DUSP29: variants seen among roughly 807,000 people sequenced by gnomAD.
The protein encoded by DUSP29 is dual specificity phosphatase 29, also known as atypical dual-specific protein phosphatase.
Under a neutral mutation model 13.5 loss-of-function variants are expected in DUSP29, and 12 were observed. The ratio of observed to expected loss-of-function variants is 0.89; its 90% confidence interval spans 0.57 to 1.44. DUSP29 has a LOEUF of 1.44. Among genes scored for constraint, DUSP29 ranks in the 40% most tolerant of loss-of-function variants. DUSP29 has a pLI of 0.00. For missense variants in DUSP29, 308 were observed against 301.1 expected (o/e 1.02, Z -0.17); for synonymous variants, 134 against 128.7 (o/e 1.04, Z -0.28).
chr10:75,055,977 T>C (rs998804098), intron 2 of DUSP29, among the ~76,000 whole-genome samples: 6 of 152,168 alleles, frequency 3.9e-5, no homozygotes, highest in Non-Finnish European at 7.3e-5. Context: ...TGGCACAATC[T>C]TGGCTCACTG....
At chr10:75,064,846 A>G (rs919621539) in intron 1 of DUSP29, among the ~76,000 whole-genome samples, 4 of 152,148 alleles carry the variant, frequency 2.6e-5, no homozygotes, top group Non-Finnish European at 5.9e-5. Context: ...AATACATCAA[A>G]ATGTCAATAC....
chr10:75,067,220 A>G (rs189062809), intron 1 of DUSP29, among the ~76,000 whole-genome samples: 1,593 of 152,198 alleles, frequency 0.01, 21 homozygotes, highest in Non-Finnish European at 0.016. Flanking sequence ...TCGGCCTTCC[A>G]GAGTGCTGGG....
intron 3 of DUSP29, among the ~76,000 whole-genome samples, chr10:75,042,484 G>A (rs998574148): frequency 1.3e-5 from 2 of 152,136 alleles, no homozygotes; most frequent in Admixed American, 1.3e-4. Flanking sequence ...GATCCTGCTT[G>A]GAAACCCAGA....
At chr10:75,050,528 G>A (rs1589860988) in intron 2 of DUSP29, among the ~76,000 whole-genome samples, 1 of 152,228 alleles carries the variant, frequency 6.6e-6, no homozygotes. Context: ...TTATTTTAGA[G>A]CTGGAAGGGA....
intron 1 of DUSP29, among the ~76,000 whole-genome samples, chr10:75,068,599 C>T (rs2134307891): frequency 6.6e-6 from 1 of 152,228 alleles, no homozygotes; most frequent in Admixed American, 6.5e-5. Context: ...GTTTAAGTGC[C>T]TGTGTACCAC....
At chr10:75,043,688 G>A (rs1237982119) in intron 3 of DUSP29, 109 bp downstream of exon 3, 1 of 1,066,290 alleles carries the variant, frequency 9.4e-7, no homozygotes, top group Admixed American at 2.2e-5. Flanking sequence ...GCCTAGGCTA[G>A]GGGCGGAGCC....
At chr10:75,050,787 C>T (rs1357999101) in intron 2 of DUSP29, among the ~76,000 whole-genome samples, 2 of 152,244 alleles carry the variant, frequency 1.3e-5, no homozygotes, top group African/African-American at 4.8e-5. Flanking sequence ...AAGAAGACTT[C>T]CCCCGAACCC....
chr10:75,046,653 AG>A (rs1288725145), intron 2 of DUSP29, among the ~76,000 whole-genome samples: 4 of 152,206 alleles, frequency 2.6e-5, no homozygotes, highest in African/African-American at 9.6e-5. Flanking sequence ...AGTCCCACTG[AG>A]CCCCCCTCCA....
intron 2 of DUSP29, among the ~76,000 whole-genome samples, chr10:75,057,052 G>A (rs550433450): frequency 6.6e-6 from 1 of 152,260 alleles, no homozygotes; most frequent in African/African-American, 2.4e-5. Flanking sequence ...GATGTGGGCA[G>A]ATCAACTGAG....
At chr10:75,040,016 C>T in intron 3 of DUSP29, among the ~76,000 whole-genome samples, 1 of 152,044 alleles carries the variant, frequency 6.6e-6, no homozygotes, top group East Asian at 1.9e-4. Context: ...CCTGTCTCTA[C>T]TAAAAAATAC....
chr10:75,071,210 G>A (rs1002713470), intron 1 of DUSP29, among the ~76,000 whole-genome samples: 13 of 152,338 alleles, frequency 8.5e-5, no homozygotes, highest in South Asian at 4.1e-4. Flanking sequence ...TCTGAAATGG[G>A]GCTGTGCTGT....
intron 1 of DUSP29, among the ~76,000 whole-genome samples, chr10:75,064,411 G>A (rs1847153326): frequency 6.6e-6 from 1 of 152,180 alleles, no homozygotes; most frequent in African/African-American, 2.4e-5. Context: ...GGGAGGCTGA[G>A]GCAGGAGAAT....
At chr10:75,056,624 G>A (rs1485152559) in intron 2 of DUSP29, among the ~76,000 whole-genome samples, 1 of 151,382 alleles carries the variant, frequency 6.6e-6, no homozygotes, top group Non-Finnish European at 1.5e-5. Context: ...TCAAGATGGT[G>A]CCACTGCACT....
chr10:75,045,601 T>G (rs1589858447), intron 2 of DUSP29, among the ~76,000 whole-genome samples: 1 of 151,614 alleles, frequency 6.6e-6, no homozygotes, highest in African/African-American at 2.4e-5. Context: ...TGAGGAAGAG[T>G]TGGAGAGAAA....
At chr10:75,066,903 T>C (rs1406133450) in intron 1 of DUSP29, among the ~76,000 whole-genome samples, 1 of 152,152 alleles carries the variant, frequency 6.6e-6, no homozygotes, top group Non-Finnish European at 1.5e-5. Context: ...AGGAGGAATC[T>C]AGGTTTTGTG....
At chr10:75,043,684 G>C in intron 3 of DUSP29, 113 bp downstream of exon 3, 1 of 1,033,390 alleles carries the variant, frequency 9.7e-7, no homozygotes, top group South Asian at 1.6e-5. Context: ...CGGAGCCTAG[G>C]CTAGGGGCGG....
At chr10:75,045,881 C>T (rs528492232) in intron 2 of DUSP29, among the ~76,000 whole-genome samples, 46 of 152,124 alleles carry the variant, frequency 3.0e-4, no homozygotes, top group Admixed American at 7.2e-4. Flanking sequence ...GAGGCCAAAG[C>T]GGGAGGGTGG....
rs185078851 is a variant in DUSP29, at chr10:75,058,801, C to T, written c.-34-253G>A. On this transcript the variant is annotated intron_variant, in intron 1 of 3. Coordinates refer to ENST00000338487, the MANE Select transcript of DUSP29 (RefSeq NM_001003892.3). ...TGGGGTCCTTGGACGTGGGCCAAGGCGGGCTCTGGAGCTAAGAAATCCTGC... is the reference window on the plus strand; with the variant it reads ...TGGGGTCCTTGGACGTGGGCCAAGGTGGGCTCTGGAGCTAAGAAATCCTGC... Among the ~76,000 whole-genome samples the T allele has an allele frequency of 8.7e-4, 132 of 152,294 alleles. 1 individual carries two copies. Among genetic ancestry groups the T allele is most frequent in the African/African-American group, 2.3e-3 (95 of 41,560 alleles).
chr10:75,066,725 C>A (rs1161140947), intron 1 of DUSP29, among the ~76,000 whole-genome samples: 1 of 152,066 alleles, frequency 6.6e-6, no homozygotes, highest in East Asian at 1.9e-4. Context: ...GCCCTCAGGA[C>A]AAGGTCTGAC....
Sources: gnomAD v4.1 joint callset for allele counts (sites outside exome capture counted in the v4.1 genomes callset) on GRCh38, gnomAD v4.1.1 for gene constraint, MANE v1.5 for transcripts, NCBI Gene and HGNC (gene_info 2026-07-23, HGNC 2026-07-21) for gene names.